POU2AF3: variants seen among roughly 807,000 people sequenced by gnomAD.
POU2AF3 encodes cancer susceptibility candidate 13.
the POU2AF3 span, chr11:111,298,826 G>GGGGGGGGGCCCCC: frequency 1.1e-5 from 9 of 790,960 alleles, no homozygotes; most frequent in Non-Finnish European, 1.5e-5. Flanking sequence ...CGTACCCCAG[G>GGGGGGGGGCCCCC]CCCCCGCCCG....
At chr11:111,298,904 AC>A in the POU2AF3 span, 5 of 1,100,584 alleles carry the variant, frequency 4.5e-6, no homozygotes, top group Non-Finnish European at 5.5e-6. Flanking sequence ...AGAAGCTGCT[AC>A]GGGGGGAGCT....
chr11:111,308,462 T>G, the POU2AF3 span: 1 of 1,519,970 alleles, frequency 6.6e-7, no homozygotes, highest in Non-Finnish European at 8.8e-7. Context: ...ATTCAGAACA[T>G]GGCATGGGTA....
the POU2AF3 span, chr11:111,307,970 C>T: frequency 1.7e-6 from 2 of 1,180,966 alleles, no homozygotes; most frequent in Non-Finnish European, 2.2e-6. Context: ...GTTTTTTACC[C>T]CTCATTTTCT....
chr11:111,303,532 G>A, the POU2AF3 span, among the ~76,000 whole-genome samples: 3 of 152,136 alleles, frequency 2.0e-5, no homozygotes, highest in Non-Finnish European at 4.4e-5. Context: ...ACATGGGGTG[G>A]AGGCAGACAA....
At chr11:111,306,893 G>C in the POU2AF3 span, among the ~76,000 whole-genome samples, 2 of 152,160 alleles carry the variant, frequency 1.3e-5, no homozygotes. Flanking sequence ...ATAAAAAGAG[G>C]TTCCTGGCAA....
At chr11:111,300,673 A>C in the POU2AF3 span, 1,039,136 of 1,041,632 alleles carry the variant, frequency 1, 518,371 homozygotes, top group East Asian at 1. Flanking sequence ...CCTCTTTCAA[A>C]GCTGTGTCTG....
the POU2AF3 span, chr11:111,299,677 G>A: frequency 4.1e-6 from 5 of 1,231,054 alleles, no homozygotes; most frequent in Non-Finnish European, 5.1e-6. Flanking sequence ...GACTCGCCCC[G>A]GAGCCTCAGT....
At chr11:111,298,826 G>GGGGGGGGGGCCCCC in the POU2AF3 span, 13 of 790,956 alleles carry the variant, frequency 1.6e-5, no homozygotes, top group Non-Finnish European at 2.0e-5. Context: ...CGTACCCCAG[G>GGGGGGGGGGCCCCC]CCCCCGCCCG....
At chr11:111,303,703 A>G in the POU2AF3 span, among the ~76,000 whole-genome samples, 2 of 152,158 alleles carry the variant, frequency 1.3e-5, no homozygotes, top group Non-Finnish European at 2.9e-5. Flanking sequence ...ACATTACAGC[A>G]TGGATCGTTT....
At chr11:111,307,272 C>G in the POU2AF3 span, among the ~76,000 whole-genome samples, 4 of 152,000 alleles carry the variant, frequency 2.6e-5, no homozygotes, top group East Asian at 1.9e-4. Flanking sequence ...TTAGTGGAAA[C>G]TAGTTATTTC....
At chr11:111,298,843 C>T in the POU2AF3 span, 1 of 1,187,158 alleles carries the variant, frequency 8.4e-7, no homozygotes, top group Non-Finnish European at 1.0e-6. Flanking sequence ...CCCGCCCTCC[C>T]ACGTATCCAC....
chr11:111,308,477 T>C, the POU2AF3 span: 9 of 1,497,772 alleles, frequency 6.0e-6, no homozygotes, highest in Admixed American at 2.2e-5. Context: ...TGGGTATATC[T>C]ATTTTTCTAC....
At chr11:111,304,959 A>G in the POU2AF3 span, 1 of 1,232,942 alleles carries the variant, frequency 8.1e-7, no homozygotes. Context: ...CACCTTTCAG[A>G]CCCAGTTGCA....
chr11:111,305,146 C>T, the POU2AF3 span: 2 of 401,274 alleles, frequency 5.0e-6, no homozygotes, highest in Non-Finnish European at 8.7e-6. Context: ...GCAAGCCCAG[C>T]AAGAAAACAA....
the POU2AF3 span, chr11:111,298,826 G>GCGGGGGGGGCGCCCC: frequency 1.3e-6 from 1 of 790,962 alleles, no homozygotes; most frequent in African/African-American, 1.8e-5. Context: ...CGTACCCCAG[G>GCGGGGGGGGCGCCCC]CCCCCGCCCG....
the POU2AF3 span, among the ~76,000 whole-genome samples, chr11:111,306,878 T>C: frequency 6.6e-6 from 1 of 152,198 alleles, no homozygotes; most frequent in African/African-American, 2.4e-5. Context: ...AGTTGGTGGG[T>C]AGCAATAAAA....
At chr11:111,304,736 T>A in the POU2AF3 span, 3 of 389,956 alleles carry the variant, frequency 7.7e-6, no homozygotes, top group East Asian at 7.3e-5. Context: ...CCCTTTCACT[T>A]GTTTTTTACA....
the POU2AF3 span, chr11:111,308,465 C>T: frequency 6.6e-7 from 1 of 1,516,936 alleles, no homozygotes; most frequent in East Asian, 2.5e-5. Flanking sequence ...CAGAACATGG[C>T]ATGGGTATAT....
At chr11:111,299,461 GC>G in the POU2AF3 span, 579 of 1,075,314 alleles carry the variant, frequency 5.4e-4, no homozygotes, top group Non-Finnish European at 6.3e-4. Context: ...GCTTTTCGGG[GC>G]CCGGGGCTGA....
Sources: allele counts gnomAD v4.1 joint callset (sites outside exome capture counted in the v4.1 genomes callset), GRCh38; gene constraint gnomAD v4.1.1; transcripts MANE v1.5; gene names NCBI Gene and HGNC (gene_info 2026-07-23, HGNC 2026-07-21).